TNXB: variants seen among roughly 807,000 people sequenced by gnomAD.
TNXB encodes tenascin-X.
Under a neutral mutation model 340.5 loss-of-function variants are expected in TNXB, and 183 were observed. The observed-to-expected ratio is 0.54, with a 90% CI of 0.48 to 0.61. The LOEUF is 0.61. Ranked by LOEUF, TNXB falls within the 20% of genes least tolerant of loss-of-function variation. The probability of loss-of-function intolerance (pLI) is 0.00; values close to 1 mark genes in which losing one functional copy is unlikely to be tolerated. For missense variants in TNXB, 4,613 were observed against 5,446.4 expected (o/e 0.85, Z 4.82); for synonymous variants, 2,121 against 2,314.5 (o/e 0.92, Z 2.40).
Position 32,070,022 on chromosome 6 carries a change from C to T in TNXB, c.5278+105G>A. On this transcript the variant is annotated intron_variant, in intron 14 of 43. Transcript: ENST00000644971. This position sits in a 1 kb window ranked among gnomAD's most constrained non-coding sequence, Gnocchi z 6.0. ...AGGGACGTGGGGAGCTGGATCTGAG[C>T]CGAGTGGCTGGGGCCAAATAATGGT... 1 of 1,413,990 alleles carries T rather than the reference C, an allele frequency of 7.1e-7. No individual in the cohort carries two copies. The highest frequency in any genetic ancestry group is 9.3e-7 in the Non-Finnish European group (1 of 1,074,604). 87.6% of individuals were successfully genotyped at this position (1,413,990 alleles called of 1,614,324 possible).
rs1779360725 is a variant in TNXB, at chr6:32,080,256, G to T, written c.4043-891C>A. 6.6e-6 allele frequency among the ~76,000 whole-genome samples: 1 copy of T among 151,794 alleles called. No homozygotes were observed. The highest frequency in any genetic ancestry group is 1.5e-5 in the Non-Finnish European group (1 of 67,976). The stretch of plus-strand genomic sequence containing the variant: ...GATGGAGTCTCACTCTGTCGCCCAG[G>T]CTGGAATGCAGTGGCGCGATCTCGG... On this transcript the variant is annotated intron_variant, in intron 10 of 43. Coordinates refer to ENST00000644971, the MANE Select transcript of TNXB (RefSeq NM_001365276.2). This position sits in a 1 kb window ranked among gnomAD's most constrained non-coding sequence, Gnocchi z 4.3.
rs761473934 is a variant in TNXB, at chr6:32,068,496, T to G, written c.6114A>C (p.Glu2038Asp). 7 of 1,613,880 alleles carry G rather than the reference T, an allele frequency of 4.3e-6. No individual in the cohort carries two copies. Among genetic ancestry groups the G allele is most frequent in the South Asian group, 1.1e-5 (1 of 91,086 alleles). ...GCTCCAGGCCCGAGATGGTGACCCC[T>G]TCCTCGTGCCCTGGCACCCTCACTG... ...PKAVRVPGHE[E>D]GVTISGLEPD... is the part of the protein sequence containing the mutation. The change falls in exon 17 of 44, where the codon GAA becomes GAC. Residue 2038 changes from glutamate to aspartate, a missense_variant. Coordinates refer to ENST00000644971, the MANE Select transcript of TNXB (RefSeq NM_001365276.2). This position sits in a 1 kb window ranked among gnomAD's most constrained non-coding sequence, Gnocchi z 5.3.
Position 32,095,121 on chromosome 6 carries a change from C to CGG in TNXB, c.2311_2312dup (p.Ala772ArgfsTer69). On this transcript the variant is annotated frameshift_variant, in exon 4 of 44. Coordinates refer to ENST00000644971, the MANE Select transcript of TNXB (RefSeq NM_001365276.2). LOFTEE classifies it high-confidence loss of function. ...CATAGGCATCCACGGGGCCAGGAGC[C>CGG]GGGGTCCACTCTGTCCGAACTGTTG... The CGG allele has an allele frequency of 6.5e-7, 1 of 1,549,514 alleles. No homozygotes were observed. Among genetic ancestry groups the CGG allele is most frequent in the Non-Finnish European group, 8.7e-7 (1 of 1,146,248 alleles).
Position 32,072,038 on chromosome 6 carries a change from T to A in TNXB, c.4942A>T (p.Ile1648Phe). ...SRKYKFLLFGIQDGKRRSPVS... is the reference protein window; with the variant it reads ...SRKYKFLLFGFQDGKRRSPVS... ...GGGCTGCGTCGTTTCCCATCCTGGATCCCAAAGAGCAGGAACTTGTACTTG... is the reference window on the plus strand; with the variant it reads ...GGGCTGCGTCGTTTCCCATCCTGGAACCCAAAGAGCAGGAACTTGTACTTG... The change falls in exon 13 of 44, where the codon ATC becomes TTC. Residue 1648 changes from isoleucine (I) to phenylalanine (F), a missense_variant. Physicochemically the swap from Ile to Phe is conservative, Grantham distance 21. Around this residue, in one of 7 missense-constraint regions of TNXB, gnomAD observed 4,327 missense variants for 4,859.4 expected, o/e 0.89. Coordinates refer to ENST00000644971, the MANE Select transcript of TNXB (RefSeq NM_001365276.2). The surrounding 1 kb of genome is among the most constrained non-coding windows in gnomAD (Gnocchi z 4.4). 1 of 1,609,960 alleles carries A rather than the reference T, an allele frequency of 6.2e-7. No homozygotes were observed. Among genetic ancestry groups the A allele is most frequent in the South Asian group, 1.1e-5 (1 of 90,354 alleles).
At position 32,082,430 on chromosome 6, in the gene TNXB, T is replaced by C; in HGVS notation, c.3446-104A>G. On this transcript the variant is annotated intron_variant, in intron 8 of 43. Transcript: ENST00000644971. This position sits in a 1 kb window ranked among gnomAD's most constrained non-coding sequence, Gnocchi z 5.0. The stretch of plus-strand genomic sequence containing the variant: ...GTGTGAGGCTGTGCAGGTTGTTCAC[T>C]GCACAAAAGTGCATTTGCTGAGGGA... 3.4e-6 allele frequency: 4 copies of C among 1,170,788 alleles called. No homozygotes were observed. Among genetic ancestry groups the C allele is most frequent in the Non-Finnish European group, 4.8e-6 (4 of 837,312 alleles). 72.5% of individuals were successfully genotyped at this position (1,170,788 alleles called of 1,614,324 possible).
At position 32,046,930 on chromosome 6, in the gene TNXB, C is replaced by T. The variant is rs960840399; in HGVS notation, c.10325-474G>A. Among the ~76,000 whole-genome samples the T allele has an allele frequency of 1.3e-5, 2 of 152,242 alleles. No homozygotes were observed. Among genetic ancestry groups the T allele is most frequent in the Non-Finnish European group, 2.9e-5 (2 of 68,036 alleles). ...ATCACTGCCAGGCTGTGATCTCCCC[C>T]TTGTCCCCTTGTGGCCATCAGCCTG... On this transcript the variant is annotated intron_variant, in intron 30 of 43. Coordinates refer to ENST00000644971, the MANE Select transcript of TNXB (RefSeq NM_001365276.2). The surrounding 1 kb of genome is among the most constrained non-coding windows in gnomAD (Gnocchi z 6.9).
In TNXB at chr6:32,068,124, C is replaced by G. The variant is rs1242033438; in HGVS notation, c.6221-140G>C. ...GGGCTGGGTGGTCCTGCTCAGCTGACAGCTAACACACATGACAAGTTCCAG... is the reference window on the plus strand; with the variant it reads ...GGGCTGGGTGGTCCTGCTCAGCTGAGAGCTAACACACATGACAAGTTCCAG... On this transcript the variant is annotated intron_variant, in intron 17 of 43. Coordinates refer to ENST00000644971, the MANE Select transcript of TNXB (RefSeq NM_001365276.2). This position sits in a 1 kb window ranked among gnomAD's most constrained non-coding sequence, Gnocchi z 5.3. 7.7e-7 allele frequency: 1 copy of G among 1,294,208 alleles called. No homozygotes were observed. The highest frequency in any genetic ancestry group is 1.0e-6 in the Non-Finnish European group (1 of 960,774). 80.2% of individuals were successfully genotyped at this position (1,294,208 alleles called of 1,614,324 possible).
rs983672716 is a variant in TNXB, at chr6:32,080,056, G to A, written c.4043-691C>T. ...ACTTTGGGATAGCAGATTGAGGAAA[G>A]AATTGGCAAGAATGACAACCCAGAG... On this transcript the variant is annotated intron_variant, in intron 10 of 43. Transcript: ENST00000644971. The surrounding 1 kb of genome is among the most constrained non-coding windows in gnomAD (Gnocchi z 4.3). 6.6e-5 allele frequency among the ~76,000 whole-genome samples: 10 copies of A among 152,180 alleles called. No homozygotes were observed. Among genetic ancestry groups the A allele is most frequent in the African/African-American group, 2.2e-4 (9 of 41,434 alleles).
intron 4 of TNXB, chr6:32,093,407 T>C (rs1359907336): frequency 2.8e-6 from 2 of 702,342 alleles, no homozygotes; most frequent in African/African-American, 1.7e-5. Flanking sequence ...GATTTCTGCT[T>C]CTGCTTTGGC....
chr6:32,058,253 C>T lies in TNXB; in HGVS notation c.7630G>A (p.Val2544Ile), dbSNP rs538306644. ...AAGGAGTCAAAGCGGCCCTGGGGGA[C>T]GGTCCAGGAAAGGCTCAGCGAGTCA... ...SPDSLSLSWT[V>I]PQGRFDSFTV... The change falls in exon 22 of 44, where the codon GTC becomes ATC. Residue 2544 changes from valine (V) to isoleucine (I), a missense_variant. Coordinates refer to ENST00000644971, the MANE Select transcript of TNXB (RefSeq NM_001365276.2). This position sits in a 1 kb window ranked among gnomAD's most constrained non-coding sequence, Gnocchi z 5.1. 81 of 1,612,418 alleles carry T rather than the reference C, an allele frequency of 5.0e-5. 1 individual carries two copies. The South Asian group carries it at 5.4e-4, about 11-fold the overall frequency.
Position 32,082,067 on chromosome 6 carries a change from C to T in TNXB, c.3705G>A (p.Arg1235=). The T allele has an allele frequency of 6.2e-7, 1 of 1,607,744 alleles. No individual in the cohort carries two copies. The highest frequency in any genetic ancestry group is 8.5e-7 in the Non-Finnish European group (1 of 1,177,436). The change falls in exon 9 of 44, where the codon CGG becomes CGA. Residue 1235 remains arginine, a synonymous_variant. Coordinates refer to ENST00000644971, the MANE Select transcript of TNXB (RefSeq NM_001365276.2). The surrounding 1 kb of genome is among the most constrained non-coding windows in gnomAD (Gnocchi z 5.0). ...TGCCATCGGCCGTGAGGGGGCCATA[C>T]CGCTTCTTGTTCGCAATTCCAAACA... ...FTLFGIANKK[R]YGPLTADGTT...
chr6:32,104,246 C>T (rs1361357348), intron 1 of TNXB, among the ~76,000 whole-genome samples: 1 of 152,204 alleles, frequency 6.6e-6, no homozygotes, highest in Non-Finnish European at 1.5e-5. Flanking sequence ...TTCATCCAGA[C>T]TTATAACTTC....
intron 11 of TNXB, among the ~76,000 whole-genome samples, chr6:32,078,073 G>GAGAAAGAAAGAA (rs57498424): frequency 0.036 from 4,510 of 124,954 alleles, 131 homozygotes; most frequent in Non-Finnish European, 0.039. Flanking sequence ...CAGAAAGAAA[G>GAGAAAGAAAGAA]AGAAAGAAAG....
Position 32,096,212 on chromosome 6 carries a change from T to C in TNXB, c.1641A>G (p.Ala547=). The change falls in exon 3 of 44, where the codon GCA becomes GCG. Residue 547 remains alanine, a synonymous_variant. Coordinates refer to ENST00000644971, the MANE Select transcript of TNXB (RefSeq NM_001365276.2). The part of the protein sequence containing the change: ...LCEDGVCVCD[A]GYSGEDCSTR... Reference sequence around the variant, plus strand: ...TGCTGCAGTCTTCCCCTGAGTAGCCTGCGTCACACACGCACACGCCATCCT... The same window carrying C: ...TGCTGCAGTCTTCCCCTGAGTAGCCCGCGTCACACACGCACACGCCATCCT... 6.4e-7 allele frequency: 1 copy of C among 1,566,942 alleles called. No homozygotes were observed. Among genetic ancestry groups the C allele is most frequent in the South Asian group, 1.2e-5 (1 of 85,814 alleles).
At position 32,070,427 on chromosome 6, in the gene TNXB, G is replaced by A. The variant is rs749647296; in HGVS notation, c.4991-13C>T. The A allele has an allele frequency of 6.4e-7, 1 of 1,561,386 alleles. No individual in the cohort carries two copies. The highest frequency in any genetic ancestry group is 8.7e-7 in the Non-Finnish European group (1 of 1,151,524). ...TCACCTCGGGCAACTGGAGAGGAAA[G>A]GTTCTTGTGTTTATTTTTTCCAAAA... is the stretch of plus-strand genomic sequence containing the variant. On this transcript the variant is annotated splice_polypyrimidine_tract_variant and intron_variant, in intron 13 of 43. Coordinates refer to ENST00000644971, the MANE Select transcript of TNXB (RefSeq NM_001365276.2). This position sits in a 1 kb window ranked among gnomAD's most constrained non-coding sequence, Gnocchi z 6.0.
rs535611748 is a variant in TNXB, at chr6:32,089,090, C to A, written c.2516-42G>T. On this transcript the variant is annotated intron_variant, in intron 5 of 43. Transcript: ENST00000644971. The surrounding 1 kb of genome is among the most constrained non-coding windows in gnomAD (Gnocchi z 6.2). Reference sequence around the variant, plus strand: ...GGAGGACTCAGGTGGGTGTCTGGTTCTTCAATCATCATCTTTCCTTCCAAG... The same window carrying A: ...GGAGGACTCAGGTGGGTGTCTGGTTATTCAATCATCATCTTTCCTTCCAAG... 18 of 1,595,462 alleles carry A rather than the reference C, an allele frequency of 1.1e-5. No individual in the cohort carries two copies. In the East Asian group the frequency reaches 3.1e-4, roughly 28 times the overall value.
In TNXB at chr6:32,058,460, C is replaced by CTGTTG. The variant is rs1777818999; in HGVS notation, c.7493-71_7493-70insCAACA. ...CAACTTGCTTTGCTGGTGCTGTCAA[C>CTGTTG]AGAGGTCATACATCAAATGTGCCCC... On this transcript the variant is annotated intron_variant, in intron 21 of 43. Transcript: ENST00000644971. The surrounding 1 kb of genome is among the most constrained non-coding windows in gnomAD (Gnocchi z 5.1). The CTGTTG allele has an allele frequency of 7.5e-7, 1 of 1,327,762 alleles. No individual in the cohort carries two copies. The highest frequency in any genetic ancestry group is 1.0e-6 in the Non-Finnish European group (1 of 980,992). 82.2% of individuals were successfully genotyped at this position (1,327,762 alleles called of 1,614,324 possible). A position where few individuals can be genotyped will look rare whatever the true frequency, so the allele number is the denominator to read the frequency against.
In TNXB at chr6:32,097,061, G is replaced by C. The variant is rs200655783; in HGVS notation, c.792C>G (p.Cys264Trp). The C allele has an allele frequency of 2.5e-6, 4 of 1,613,544 alleles. No homozygotes were observed. The highest frequency in any genetic ancestry group is 3.4e-6 in the Non-Finnish European group (4 of 1,179,768). Reference protein sequence around the residue: ...SQRGRCEGGRCVCDPGYTGDD... With the variant: ...SQRGRCEGGRWVCDPGYTGDD... The stretch of plus-strand genomic sequence containing the variant: ...CACCAGTGTAGCCTGGGTCACACAC[G>C]CAGCGCCCACCCTCACAGCGTCCCC... The change falls in exon 3 of 44, where the codon TGC (cysteine) becomes TGG (tryptophan). Residue 264 changes from cysteine (C) to tryptophan (W), a missense_variant. Physicochemically the swap from Cys to Trp is radical, Grantham distance 215. Around this residue, in one of 7 missense-constraint regions of TNXB, gnomAD observed 4,327 missense variants for 4,859.4 expected, o/e 0.89. Coordinates refer to ENST00000644971, the MANE Select transcript of TNXB (RefSeq NM_001365276.2). The surrounding 1 kb of genome is among the most constrained non-coding windows in gnomAD (Gnocchi z 5.9).
At position 32,081,761 on chromosome 6, in the gene TNXB, G is replaced by GT. The variant is rs1222889598; in HGVS notation, c.3737-89dup. ...CGACGGGATGTCACACCTATGGGGG[G>GT]TGGGGGGTCACTAGTCCATTAATTC... On this transcript the variant is annotated intron_variant, in intron 9 of 43. Coordinates refer to ENST00000644971, the MANE Select transcript of TNXB (RefSeq NM_001365276.2). The surrounding 1 kb of genome is among the most constrained non-coding windows in gnomAD (Gnocchi z 5.1). 2.4e-6 allele frequency: 2 copies of GT among 822,362 alleles called. No individual in the cohort carries two copies. Among genetic ancestry groups the GT allele is most frequent in the African/African-American group, 3.4e-5 (2 of 58,062 alleles). 50.9% of individuals were successfully genotyped at this position (822,362 alleles called of 1,614,324 possible). A position where few individuals can be genotyped will look rare whatever the true frequency, so the allele number is the denominator to read the frequency against.
Sources: allele counts gnomAD v4.1 joint callset (sites outside exome capture counted in the v4.1 genomes callset), GRCh38; gene constraint gnomAD v4.1.1; regional missense constraint gnomAD v4.1.1; non-coding constraint Gnocchi (gnomAD v3.1); transcripts MANE v1.5; gene names NCBI Gene and HGNC (gene_info 2026-07-23, HGNC 2026-07-21).